PHEX: variants seen among roughly 807,000 people sequenced by gnomAD.
PHEX encodes phosphate regulating endopeptidase X-linked.
In PHEX, 16 loss-of-function variants were observed where a neutral mutation model predicts 68.0. The observed-to-expected ratio is 0.24, with a 90% CI of 0.16 to 0.36. The LOEUF (loss-of-function observed/expected upper bound fraction) is 0.36. PHEX is among the 10% of genes least tolerant of loss of function. The probability of loss-of-function intolerance (pLI) is 1.00; values close to 1 mark genes in which losing one functional copy is unlikely to be tolerated. For missense variants in PHEX, 480 were observed against 575.5 expected (o/e 0.83, Z 1.70); for synonymous variants, 208 against 205.1 (o/e 1.01, Z -0.12).
chrX:22,039,328 G>C (rs1456208243), intron 2 of PHEX, among the ~76,000 whole-genome samples: 1 of 112,377 alleles, frequency 8.9e-6, no homozygotes, highest in African/African-American at 3.2e-5. Flanking sequence ...TGACCAGGCT[G>C]TGTATCAGTG....
intron 13 of PHEX, among the ~76,000 whole-genome samples, chrX:22,174,802 C>A (rs1038866948): frequency 8.9e-6 from 1 of 111,962 alleles, no homozygotes; most frequent in Non-Finnish European, 1.9e-5. Context: ...GTCTTTATAG[C>A]CTTTGTTACC....
intron 15 of PHEX, among the ~76,000 whole-genome samples, chrX:22,202,177 C>T (rs1379066946): frequency 1.8e-5 from 2 of 111,896 alleles, no homozygotes; most frequent in Admixed American, 1.9e-4. Flanking sequence ...TACTTTTTCC[C>T]CACTGAACAT....
At chrX:22,235,720 A>ATTACCCTATCTTAT (rs1935950571) in intron 20 of PHEX, among the ~76,000 whole-genome samples, 1 of 111,446 alleles carries the variant, frequency 9.0e-6, no homozygotes, top group Non-Finnish European at 1.9e-5. Flanking sequence ...TAGCATCCCC[A>ATTACCCTATCTTAT]TTACCCTATC....
chrX:22,079,945 G>C (rs757489209), intron 5 of PHEX, among the ~76,000 whole-genome samples: 1 of 111,230 alleles, frequency 9.0e-6, no homozygotes, highest in Non-Finnish European at 1.9e-5. Context: ...TTAGGTAAAT[G>C]GTTGATTGGG....
At chrX:22,137,605 G>A (rs765475830) in intron 12 of PHEX, among the ~76,000 whole-genome samples, 7 of 111,325 alleles carry the variant, frequency 6.3e-5, no homozygotes, top group African/African-American at 2.3e-4. Flanking sequence ...GCTTATATCC[G>A]GAGCCTGGTG....
chrX:22,057,337 C>T (rs934481529), intron 3 of PHEX, among the ~76,000 whole-genome samples: 3 of 111,632 alleles, frequency 2.7e-5, no homozygotes, highest in Non-Finnish European at 5.6e-5. Context: ...GGTGCCGTGG[C>T]TCACGGCTGT....
chrX:22,136,908 G>T (rs961037688), intron 12 of PHEX, among the ~76,000 whole-genome samples: 1 of 112,035 alleles, frequency 8.9e-6, no homozygotes, highest in African/African-American at 3.2e-5. Flanking sequence ...AACTGATGGT[G>T]TAGGTTTCAA....
intron 11 of PHEX, among the ~76,000 whole-genome samples, chrX:22,114,944 C>T (rs761930261): frequency 8.1e-5 from 9 of 111,731 alleles, no homozygotes; most frequent in Non-Finnish European, 1.7e-4. Context: ...GTGTTCTTCT[C>T]CATCTGTTTC....
intron 14 of PHEX, among the ~76,000 whole-genome samples, chrX:22,184,420 A>G (rs955480448): frequency 1.8e-5 from 2 of 111,285 alleles, no homozygotes; most frequent in African/African-American, 3.3e-5. Flanking sequence ...GAACAGCATC[A>G]TGATTATATT....
chrX:22,165,141 A>G (rs1427392801), intron 12 of PHEX, among the ~76,000 whole-genome samples: 3 of 111,666 alleles, frequency 2.7e-5, no homozygotes, highest in African/African-American at 9.8e-5. Context: ...AAAGGAAAGA[A>G]CTCGTTGCCA....
intron 21 of PHEX, among the ~76,000 whole-genome samples, chrX:22,246,985 T>C (rs1569442649): frequency 9.0e-6 from 1 of 111,321 alleles, no homozygotes; most frequent in Non-Finnish European, 1.9e-5. Flanking sequence ...AGATTTTGAG[T>C]GCAGCAGAAA....
At chrX:22,246,767 A>C (rs923715207) in intron 21 of PHEX, among the ~76,000 whole-genome samples, 4 of 112,139 alleles carry the variant, frequency 3.6e-5, no homozygotes, top group Admixed American at 2.9e-4. Context: ...CTAAAACAAC[A>C]AGAGGTTATG....
rs1270700411 is a variant in PHEX, at chrX:22,137,051, T to C, written c.1404+3427T>C. Among the ~76,000 whole-genome samples, 4 of 111,689 alleles carry C rather than the reference T, an allele frequency of 3.6e-5. No homozygotes were observed. The East Asian group carries it at 1.1e-3, about 31-fold the overall frequency. ...TTATTTTTCTGGTGACCACAGCTGT[T>C]GAATGAGTGTCAGGTGATAAAATAA... On this transcript the variant is annotated intron_variant, in intron 12 of 21. Coordinates refer to ENST00000379374, the MANE Select transcript of PHEX (RefSeq NM_000444.6).
At chrX:22,167,473 T>G (rs1432549716) in intron 12 of PHEX, among the ~76,000 whole-genome samples, 1 of 107,068 alleles carries the variant, frequency 9.3e-6, no homozygotes, top group African/African-American at 3.5e-5. Flanking sequence ...TTATTTTCCC[T>G]TTTTAATTTT....
intron 12 of PHEX, among the ~76,000 whole-genome samples, chrX:22,145,534 C>T (rs1023645034): frequency 2.8e-5 from 3 of 108,191 alleles, no homozygotes; most frequent in Middle Eastern, 4.7e-3. Context: ...GAGAATTGCT[C>T]GAATCCAGGA....
At chrX:22,221,432 A>C (rs757149752) in intron 17 of PHEX, among the ~76,000 whole-genome samples, 181 bp from the exon 18 acceptor site, 1 of 112,043 alleles carries the variant, frequency 8.9e-6, no homozygotes, top group African/African-American at 3.2e-5. Flanking sequence ...AATTGTCTTT[A>C]TCCTTTTTGC....
At chrX:22,219,204 C>A in intron 17 of PHEX, 101 bp downstream of exon 17, 1 of 603,063 alleles carries the variant, frequency 1.7e-6, no homozygotes, top group Non-Finnish European at 2.8e-6. Context: ...AGCATCATAG[C>A]TTGAAGATTA....
chrX:22,151,008 G>A (rs1345462174), intron 12 of PHEX, among the ~76,000 whole-genome samples: 7 of 111,943 alleles, frequency 6.3e-5, no homozygotes, highest in Admixed American at 9.5e-5. Flanking sequence ...GAGGCAGAGG[G>A]TGGCTTCAGG....
At chrX:22,118,792 ACT>A (rs112779642) in intron 11 of PHEX, among the ~76,000 whole-genome samples, 2,389 of 111,312 alleles carry the variant, frequency 0.021, 63 homozygotes, top group African/African-American at 0.073. Context: ...CCTACATCCA[ACT>A]GTGCATTTGG....
Sources: allele counts gnomAD v4.1 joint callset (sites outside exome capture counted in the v4.1 genomes callset), GRCh38; gene constraint gnomAD v4.1.1; transcripts MANE v1.5; gene names NCBI Gene and HGNC (gene_info 2026-07-23, HGNC 2026-07-21).